Variants in NRXN2 observed in about 807,000 individuals in gnomAD.
NRXN2 encodes the protein neurexin 2, also known as neurexin-2-beta.
In NRXN2, 29 loss-of-function variants were observed where a neutral mutation model predicts 128.8. The ratio of observed to expected loss-of-function variants is 0.23; its 90% confidence interval spans 0.17 to 0.31. The LOEUF (loss-of-function observed/expected upper bound fraction) is 0.31. Ranked by LOEUF, NRXN2 falls within the 10% of genes least tolerant of loss-of-function variation. NRXN2 has a pLI of 1.00. For synonymous variants in NRXN2, 1,098 were observed against 1,075.2 expected (o/e 1.02, Z -0.41); for missense variants, 1,881 against 2,452.6 (o/e 0.77, Z 4.92).
chr11:64,646,180 C>T (rs2046625218), intron 17 of NRXN2, among the ~76,000 whole-genome samples: 1 of 152,172 alleles, frequency 6.6e-6, no homozygotes, highest in Admixed American at 6.5e-5. Context: ...AGGTTGCACC[C>T]ACCTTGTCTT....
intron 19 of NRXN2, among the ~76,000 whole-genome samples, chr11:64,627,134 C>T (rs2043172118): frequency 6.6e-6 from 1 of 152,070 alleles, no homozygotes; most frequent in Non-Finnish European, 1.5e-5. Context: ...CTCCCAGCTT[C>T]CCCTCAATTT....
chr11:64,662,608 T>C (rs1463284400), intron 9 of NRXN2, among the ~76,000 whole-genome samples: 2 of 151,962 alleles, frequency 1.3e-5, no homozygotes, highest in African/African-American at 4.8e-5. Context: ...GGTGAAACCC[T>C]GTCTCTACTA....
Position 64,607,126 on chromosome 11 carries a change from G to A in NRXN2, c.*70C>T, listed in dbSNP as rs11553591. On this transcript the variant is annotated 3_prime_UTR_variant, in exon 23 of 23. Transcript: ENST00000265459. ...AGAGGGTCCCCAGGCCCCTGGCAGG[G>A]AGAGGGTGGCACCCTCCTCCCGGGC... The A allele has an allele frequency of 0.012, 18,568 of 1,514,280 alleles. 146 individuals are homozygous for A. Among genetic ancestry groups the A allele is most frequent in the Non-Finnish European group, 0.015 (16,284 of 1,108,706 alleles). 93.8% of individuals were successfully genotyped at this position (1,514,280 alleles called of 1,614,324 possible).
intron 1 of NRXN2, among the ~76,000 whole-genome samples, chr11:64,718,657 G>T (rs941479748): frequency 5.9e-5 from 9 of 152,146 alleles, no homozygotes; most frequent in Non-Finnish European, 1.3e-4. Context: ...GGCTCGGTGT[G>T]GGGGAGGCTC....
chr11:64,650,011 G>A (rs1403241612), intron 15 of NRXN2, among the ~76,000 whole-genome samples: 1 of 152,056 alleles, frequency 6.6e-6, no homozygotes, highest in Non-Finnish European at 1.5e-5. Context: ...TAGCCCAGCC[G>A]ATGCCCAAGA....
chr11:64,711,932 G>A (rs1425443257), intron 2 of NRXN2, among the ~76,000 whole-genome samples: 4 of 151,920 alleles, frequency 2.6e-5, no homozygotes, highest in African/African-American at 4.8e-5. Flanking sequence ...ATTCTCCCTC[G>A]CCTGCGCTGG....
In NRXN2 at chr11:64,667,058, G is replaced by C. The variant is rs2049972823; in HGVS notation, c.1798+192C>G. 6.6e-6 allele frequency among the ~76,000 whole-genome samples: 1 copy of C among 152,176 alleles called. No individual in the cohort carries two copies. Among genetic ancestry groups the C allele is most frequent in the Non-Finnish European group, 1.5e-5 (1 of 68,038 alleles). On this transcript the variant is annotated intron_variant, in intron 9 of 22. Coordinates refer to ENST00000265459, the MANE Select transcript of NRXN2 (RefSeq NM_015080.4). The surrounding 1 kb of genome is among the most constrained non-coding windows in gnomAD (Gnocchi z 5.6). ...AATCCAGGTCTGACTGATGCCAAAT[G>C]CTGTGCTCTTTCTGCCAATGTCCGA...
rs2057233520 is a variant in NRXN2, at chr11:64,714,607, C to A, written c.-244-664G>T. The stretch of plus-strand genomic sequence containing the variant: ...GAAACCACGCTCACCCCTTCCCAGG[C>A]CCCAGCCTCACTGCTTACCAACCCA... On this transcript the variant is annotated intron_variant, in intron 1 of 22. Transcript: ENST00000265459. This position sits in a 1 kb window ranked among gnomAD's most constrained non-coding sequence, Gnocchi z 4.5. Among the ~76,000 whole-genome samples, 1 of 152,062 alleles carries A rather than the reference C, an allele frequency of 6.6e-6. No individual in the cohort carries two copies. The highest frequency in any genetic ancestry group is 6.6e-5 in the Admixed American group (1 of 15,264).
intron 15 of NRXN2, 98 bp downstream of exon 15, chr11:64,650,350 G>A (rs1302486786): frequency 7.9e-7 from 1 of 1,261,576 alleles, no homozygotes; most frequent in East Asian, 2.3e-5. Context: ...CTGGGGGCAG[G>A]GAACCGAGGG....
At chr11:64,697,636 G>A (rs2054743650) in intron 3 of NRXN2, 139 bp downstream of exon 3, 4 of 961,680 alleles carry the variant, frequency 4.2e-6, no homozygotes, top group African/African-American at 1.6e-5. Context: ...GCAGCCAAGG[G>A]AGGACCCCAG....
chr11:64,681,994 G>T (rs1193056619), intron 6 of NRXN2, among the ~76,000 whole-genome samples: 1 of 151,882 alleles, frequency 6.6e-6, no homozygotes, highest in Non-Finnish European at 1.5e-5. Flanking sequence ...ACTCCCAGGG[G>T]TCTCCCCATC....
In NRXN2 at chr11:64,654,583, G is replaced by C. The variant is rs76283828; in HGVS notation, c.2390-861C>G. ...TTTCAGGACTGGGAAGGCCCCGTGT[G>C]GCTACACAGAGCCAGCAGCCCAGGG... On this transcript the variant is annotated intron_variant, in intron 11 of 22. Transcript: ENST00000265459. Among the ~76,000 whole-genome samples the C allele has an allele frequency of 1.6e-3, 246 of 152,326 alleles. 5 individuals are homozygous for C. In the East Asian group the frequency reaches 0.043, roughly 27 times the overall value.
At chr11:64,710,872 G>A (rs984249788) in intron 2 of NRXN2, among the ~76,000 whole-genome samples, 5 of 151,952 alleles carry the variant, frequency 3.3e-5, no homozygotes, top group African/African-American at 7.3e-5. Context: ...TGCCAGACTC[G>A]CGGGCCTCTA....
At chr11:64,625,839 C>G (rs1405701504) in intron 20 of NRXN2, among the ~76,000 whole-genome samples, 3 of 152,180 alleles carry the variant, frequency 2.0e-5, no homozygotes, top group Non-Finnish European at 4.4e-5. Flanking sequence ...TGCCCCACTT[C>G]CCTTAGTCTC....
chr11:64,626,413 G>A, intron 20 of NRXN2, 50 bp downstream of exon 20: 3 of 1,414,680 alleles, frequency 2.1e-6, no homozygotes, highest in Non-Finnish European at 3.0e-6. Context: ...GCACCTTTAA[G>A]ATAGTGTTTT....
In NRXN2 at chr11:64,630,085, C is replaced by T. The variant is rs1473964267; in HGVS notation, c.3757+317G>A. On this transcript the variant is annotated intron_variant, in intron 19 of 22. Coordinates refer to ENST00000265459, the MANE Select transcript of NRXN2 (RefSeq NM_015080.4). This position sits in a 1 kb window ranked among gnomAD's most constrained non-coding sequence, Gnocchi z 4.6. ...TCGCATCAGATTCTCCTCACCTCTA[C>T]CCTCCCTCCACTTCTCCCCCCACCC... is the stretch of plus-strand genomic sequence containing the variant. Among the ~76,000 whole-genome samples the T allele has an allele frequency of 6.6e-6, 1 of 151,914 alleles. No individual in the cohort carries two copies. The highest frequency in any genetic ancestry group is 1.5e-5 in the Non-Finnish European group (1 of 67,950).
chr11:64,688,177 A>C (rs1565414236), intron 5 of NRXN2, among the ~76,000 whole-genome samples: 1 of 152,230 alleles, frequency 6.6e-6, no homozygotes, highest in Non-Finnish European at 1.5e-5. Context: ...TGCCAAGGCC[A>C]AGTGGAGAAA....
chr11:64,635,490 A>C lies in NRXN2; in HGVS notation c.3404-38T>G. 6.2e-7 allele frequency: 1 copy of C among 1,609,332 alleles called. No homozygotes were observed. Among genetic ancestry groups the C allele is most frequent in the Non-Finnish European group, 8.5e-7 (1 of 1,177,278 alleles). On this transcript the variant is annotated intron_variant, in intron 17 of 22. Coordinates refer to ENST00000265459, the MANE Select transcript of NRXN2 (RefSeq NM_015080.4). This position sits in a 1 kb window ranked among gnomAD's most constrained non-coding sequence, Gnocchi z 4.8. ...GGAAAGGGAGACAAGAAGAAATGAC[A>C]TCAGGAGGACGAGGTCAGCAGGTCC...
chr11:64,704,408 A>C (rs1424278847), intron 2 of NRXN2, among the ~76,000 whole-genome samples: 1 of 152,144 alleles, frequency 6.6e-6, no homozygotes, highest in Admixed American at 6.5e-5. Context: ...ACTGCCTAGA[A>C]GGTAGCCTTG....
Sources: allele counts gnomAD v4.1 joint callset (sites outside exome capture counted in the v4.1 genomes callset), GRCh38; gene constraint gnomAD v4.1.1; non-coding constraint Gnocchi (gnomAD v3.1); transcripts MANE v1.5; gene names NCBI Gene and HGNC (gene_info 2026-07-23, HGNC 2026-07-21).